The following NAA11 variants were observed in gnomAD, a reference collection of about 807,000 sequenced individuals.
NAA11 encodes the protein N-alpha-acetyltransferase 11.
In NAA11, 15 loss-of-function variants were observed where a neutral mutation model predicts 16.1. The ratio of observed to expected loss-of-function variants is 0.93; its 90% CI spans 0.62 to 1.44. NAA11 has a LOEUF of 1.44. NAA11 is among the 40% of genes most tolerant of loss of function. The pLI, the probability that NAA11 is intolerant of heterozygous loss-of-function variation, is 0.00. For missense variants in NAA11, 298 were observed against 291.3 expected (o/e 1.02, Z -0.17); for synonymous variants, 122 against 112.4 (o/e 1.09, Z -0.54).
At chr4:79,269,231 T>G (rs1437570032) in intron 2 of NAA11, among the ~76,000 whole-genome samples, 1 of 149,492 alleles carries the variant, frequency 6.7e-6, no homozygotes, top group Non-Finnish European at 1.5e-5. Context: ...ATGGGATGGC[T>G]GGGTCAAATG....
chr4:79,309,231 G>A (rs1723685730), intron 1 of NAA11, among the ~76,000 whole-genome samples: 1 of 152,130 alleles, frequency 6.6e-6, no homozygotes, highest in South Asian at 2.1e-4. Flanking sequence ...TGATTTCTTG[G>A]AGATTATTGC....
chr4:79,315,730 C>CA (rs199872768), downstream of NAA11, among the ~76,000 whole-genome samples: 2,337 of 151,262 alleles, frequency 0.015, 24 homozygotes, highest in Non-Finnish European at 0.024. Flanking sequence ...AATGCTATTA[C>CA]AAAAAAAATG....
At chr4:79,237,755 G>A (rs142281474) in intron 2 of NAA11, among the ~76,000 whole-genome samples, 15 of 152,202 alleles carry the variant, frequency 9.9e-5, no homozygotes, top group Middle Eastern at 3.4e-3. Flanking sequence ...ATCTTCAAAC[G>A]TTTACTTCCA....
intron 2 of NAA11, among the ~76,000 whole-genome samples, chr4:79,242,031 A>G (rs1400599721): frequency 6.6e-6 from 1 of 152,156 alleles, no homozygotes; most frequent in Non-Finnish European, 1.5e-5. Flanking sequence ...TGCTATTCCA[A>G]TGTGTTTCTT....
At chr4:79,192,031 A>T in the NAA11 span, among the ~76,000 whole-genome samples, 2 of 151,994 alleles carry the variant, frequency 1.3e-5, no homozygotes, top group African/African-American at 4.8e-5. Context: ...ATTCTGTTTC[A>T]TTGGTCTATG....
At chr4:79,297,074 A>G (rs1723241145) in intron 1 of NAA11, among the ~76,000 whole-genome samples, 1 of 152,142 alleles carries the variant, frequency 6.6e-6, no homozygotes, top group African/African-American at 2.4e-5. Flanking sequence ...TCCTGAGGCC[A>G]GGCAGGACCT....
chr4:79,261,491 A>G (rs1722243297), intron 2 of NAA11, among the ~76,000 whole-genome samples: 1 of 152,204 alleles, frequency 6.6e-6, no homozygotes, highest in African/African-American at 2.4e-5. Flanking sequence ...TTTTTACATT[A>G]ATTTTTAATA....
At chr4:79,157,755 C>T in the NAA11 span, among the ~76,000 whole-genome samples, 1 of 152,050 alleles carries the variant, frequency 6.6e-6, no homozygotes, top group African/African-American at 2.4e-5. Context: ...CCACTGAGAA[C>T]TGGAACAAGA....
At chr4:79,219,546 A>G in the NAA11 span, among the ~76,000 whole-genome samples, 2 of 152,176 alleles carry the variant, frequency 1.3e-5, no homozygotes, top group African/African-American at 4.8e-5. Context: ...CCTTAGGGGA[A>G]ACATAAGCTT....
At chr4:79,296,920 C>A (rs368409990) in intron 1 of NAA11, among the ~76,000 whole-genome samples, 2 of 152,218 alleles carry the variant, frequency 1.3e-5, no homozygotes, top group East Asian at 1.9e-4. Flanking sequence ...AAATTAATGG[C>A]AGCGGCAGAC....
chr4:79,167,266 TATATAGAG>T, the NAA11 span, among the ~76,000 whole-genome samples: 1 of 119,308 alleles, frequency 8.4e-6, no homozygotes, highest in Non-Finnish European at 1.7e-5. Context: ...TATATATATA[TATATAGAG>T]AGAGAGAGAG....
chr4:79,280,750 A>T (rs956813955), intron 2 of NAA11, among the ~76,000 whole-genome samples: 4 of 152,026 alleles, frequency 2.6e-5, no homozygotes, highest in African/African-American at 9.7e-5. Flanking sequence ...CCTGGCTCTA[A>T]CACATGATTT....
rs572446938 is a variant in NAA11, at chr4:79,300,824, G to A, written c.*13-6710C>T. 8.5e-5 allele frequency among the ~76,000 whole-genome samples: 13 copies of A among 152,108 alleles called. No homozygotes were observed. In the South Asian group the frequency reaches 1.2e-3, roughly 15 times the overall value. ...ATTAGAAAGGATAAGCTAGAGAGAC[G>A]GATATTAAAATTAGAGAAGCCATAT... On this transcript the variant is annotated intron_variant and NMD_transcript_variant, in intron 1 of 2. Coordinates refer to the NAA11 transcript ENST00000511542.
At chr4:79,176,986 A>C in the NAA11 span, among the ~76,000 whole-genome samples, 1 of 152,136 alleles carries the variant, frequency 6.6e-6, no homozygotes, top group African/African-American at 2.4e-5. Context: ...GGAGCTTCCT[A>C]TATTAGTGGA....
At chr4:79,312,620 G>A (rs746201706), downstream of NAA11, among the ~76,000 whole-genome samples, 3 of 140,206 alleles carry the variant, frequency 2.1e-5, no homozygotes, top group Admixed American at 1.5e-4. Flanking sequence ...ACTCCAGCCC[G>A]GGTGTGACAG....
At chr4:79,297,429 G>A (rs1247950103) in intron 1 of NAA11, among the ~76,000 whole-genome samples, 1 of 152,192 alleles carries the variant, frequency 6.6e-6, no homozygotes, top group African/African-American at 2.4e-5. Flanking sequence ...GAGTGGGCGA[G>A]AGCTCCGCCC....
the NAA11 span, among the ~76,000 whole-genome samples, chr4:79,165,795 G>A: frequency 2.6e-3 from 403 of 152,328 alleles, 5 homozygotes; most frequent in South Asian, 4.1e-3. Flanking sequence ...AAACAGCTTA[G>A]ATTGACTTGG....
In NAA11 at chr4:79,325,397, G is replaced by A. The variant is rs1324402522; in HGVS notation, c.481C>T (p.Gln161Ter). 2 of 1,614,102 alleles carry A rather than the reference G, an allele frequency of 1.2e-6. No homozygotes were observed. The highest frequency in any genetic ancestry group is 2.7e-5 in the African/African-American group (2 of 75,004). The change falls in exon 1 of 2, where the codon CAA becomes TAA. Residue 161 changes from glutamine to a stop codon, truncating the protein, a stop_gained. Transcript: ENST00000286794. LOFTEE classifies it high-confidence loss of function. The stretch of plus-strand genomic sequence containing the variant: ...TACCCGCCCTTCTTCAGGTCCATTT[G>A]TCGTCTCAGCTCATCTGCCATCTGC... ...LSQMADELRR[Q>*]MDLKKGGYVV... is the part of the protein sequence containing the mutation.
intron 2 of NAA11, among the ~76,000 whole-genome samples, chr4:79,260,520 A>G (rs1722226073): frequency 6.6e-6 from 1 of 152,182 alleles, no homozygotes; most frequent in South Asian, 2.1e-4. Context: ...TTTTAGGTAC[A>G]GTGTACATAG....
Sources: gnomAD v4.1 joint callset for allele counts (sites outside exome capture counted in the v4.1 genomes callset) on GRCh38, gnomAD v4.1.1 for gene constraint, MANE v1.5 for transcripts, NCBI Gene and HGNC (gene_info 2026-07-23, HGNC 2026-07-21) for gene names.